KRT82: variants seen among roughly 807,000 people sequenced by gnomAD.
KRT82 encodes the protein keratin, type II cuticular Hb2.
Under a neutral mutation model 48.0 loss-of-function variants are expected in KRT82, and 44 were observed. That is an observed-to-expected ratio of 0.92 (90% CI 0.72 to 1.18). The LOEUF (loss-of-function observed/expected upper bound fraction) is 1.18. Among genes scored for constraint, KRT82 ranks in the 50% most tolerant of loss-of-function variants. KRT82 has a pLI of 0.00. For missense variants in KRT82, 701 were observed against 671.4 expected, an observed-to-expected ratio of 1.04 and a Z score of -0.49; for synonymous variants, 297 against 278.3, an observed-to-expected ratio of 1.07 and a Z score of -0.67.
chr12:52,395,317 T>G, intron 8 of KRT82, 122 bp from the exon 9 acceptor site: 1 of 775,058 alleles, frequency 1.3e-6, no homozygotes, highest in Non-Finnish European at 2.1e-6. Flanking sequence ...AGACACCCCA[T>G]TCCAGCCTCC....
intron 5 of KRT82, 85 bp from the exon 6 acceptor site, chr12:52,397,093 C>T (rs1303176464): frequency 1.1e-5 from 17 of 1,513,308 alleles, no homozygotes; most frequent in Non-Finnish European, 1.5e-5. Flanking sequence ...GTCTTTTCTC[C>T]CGTGACTTCC....
rs1939848553 is a variant in KRT82, at chr12:52,406,010, C to T, written c.268G>A (p.Ala90Thr). Reference protein sequence around the residue: ...YRLGATCGPSACITPVTINES... With the variant: ...YRLGATCGPSTCITPVTINES... ...TTGATGGTGACAGGGGTGATGCAGGCAGAAGGCCCACAGGTGGCTCCCAGT... is the reference window on the plus strand; with the variant it reads ...TTGATGGTGACAGGGGTGATGCAGGTAGAAGGCCCACAGGTGGCTCCCAGT... Residue 90 changes from alanine (A) to threonine (T), a missense_variant, in exon 1 of 9, where the codon GCC (alanine) becomes ACC (threonine). Transcript: ENST00000257974. The T allele has an allele frequency of 6.2e-7, 1 of 1,614,090 alleles. No individual in the cohort carries two copies. Among genetic ancestry groups the T allele is most frequent in the Non-Finnish European group, 8.5e-7 (1 of 1,180,044 alleles).
At chr12:52,395,228 A>C (rs375789030) in intron 8 of KRT82, 33 bp from the exon 9 acceptor site, 195 of 1,579,016 alleles carry the variant, frequency 1.2e-4, no homozygotes, top group Admixed American at 3.4e-5. Flanking sequence ...TCAGGGCCCC[A>C]CACGGTGTGG....
At position 52,403,906 on chromosome 12, in the gene KRT82, G is replaced by T; in HGVS notation, c.415C>A (p.Arg139Ser). Residue 139 changes from arginine to serine, a missense_variant, in exon 2 of 9, where the codon CGT becomes AGT. Coordinates refer to ENST00000257974, the MANE Select transcript of KRT82 (RefSeq NM_033033.4). ...AGCTTGTTCTTCTGCTCCAGGAAAC[G>T]GACCTGCAGCCAAGAATGGAATATC... ...NRFASFINKV[R>S]FLEQKNKLLE... 1 of 1,613,260 alleles carries T rather than the reference G, an allele frequency of 6.2e-7. No homozygotes were observed. The highest frequency in any genetic ancestry group is 1.1e-5 in the South Asian group (1 of 91,036).
chr12:52,399,898 A>C, intron 5 of KRT82, 87 bp downstream of exon 5: 1 of 1,372,700 alleles, frequency 7.3e-7, no homozygotes, highest in Non-Finnish European at 1.0e-6. Flanking sequence ...CTCCTCACCC[A>C]CTTCTGCGGA....
chr12:52,401,183 T>G (rs1939785311), intron 3 of KRT82, 106 bp downstream of exon 3: 1 of 927,226 alleles, frequency 1.1e-6, no homozygotes, highest in Non-Finnish European at 1.7e-6. Flanking sequence ...AAACCCTTTT[T>G]CAGAGTGGGT....
chr12:52,406,036 C>T lies in KRT82; in HGVS notation c.242G>A (p.Arg81Gln), dbSNP rs369035884. Reference sequence around the variant, plus strand: ...AGAAGGCCCACAGGTGGCTCCCAGTCGGTACCCGAAGCCAGGCAGGGTACC... The same window carrying T: ...AGAAGGCCCACAGGTGGCTCCCAGTTGGTACCCGAAGCCAGGCAGGGTACC... ...CGGTLPGFGY[R>Q]LGATCGPSAC... The change falls in exon 1 of 9, where the codon CGA becomes CAA. Residue 81 changes from arginine to glutamine, a missense_variant. Transcript: ENST00000257974. The T allele has an allele frequency of 3.7e-5, 59 of 1,614,078 alleles. No homozygotes were observed. In the African/African-American group the frequency reaches 4.4e-4, roughly 12 times the overall value.
intron 8 of KRT82, 109 bp downstream of exon 8, chr12:52,395,650 G>T: frequency 1.3e-6 from 1 of 761,396 alleles, no homozygotes; most frequent in South Asian, 1.8e-5. Context: ...CTCTTCCTTT[G>T]GGGTAGGGGA....
Position 52,401,390 on chromosome 12 carries a change from T to C in KRT82, c.621-41A>G, listed in dbSNP as rs546997905. The C allele has an allele frequency of 1.4e-5, 22 of 1,601,872 alleles. No individual in the cohort carries two copies. In the African/African-American group the frequency reaches 2.5e-4, roughly 19 times the overall value. ...GGAAAAAATGCTTTAGTCGGGCTTG[T>C]GGATTTTGGAAGAGATCTTGGCATC... On this transcript the variant is annotated intron_variant, in intron 2 of 8. Coordinates refer to ENST00000257974, the MANE Select transcript of KRT82 (RefSeq NM_033033.4).
In KRT82 at chr12:52,396,911, T is replaced by C. The variant is rs1372640580; in HGVS notation, c.1040A>G (p.Gln347Arg). The change falls in exon 6 of 9, where the codon CAG (glutamine) becomes CGG (arginine). Residue 347 changes from glutamine to arginine, a missense_variant. Physicochemically the swap from Gln to Arg is conservative, Grantham distance 43. Coordinates refer to ENST00000257974, the MANE Select transcript of KRT82 (RefSeq NM_033033.4). ...LEMNKLIQRL[Q>R]QETENVKAQR... ...GGCTTTGACATTCTCGGTTTCTTGC[T>C]GCAGCCGCTGGATCAGTTTATTCAT... 1.9e-6 allele frequency: 3 copies of C among 1,614,184 alleles called. No individual in the cohort carries two copies. The highest frequency in any genetic ancestry group is 2.5e-6 in the Non-Finnish European group (3 of 1,180,028).
At chr12:52,404,738 T>C (rs1341428238) in intron 1 of KRT82, among the ~76,000 whole-genome samples, 1 of 152,194 alleles carries the variant, frequency 6.6e-6, no homozygotes, top group Non-Finnish European at 1.5e-5. Context: ...TTCGGGCCCA[T>C]GTTTTTGGAA....
At chr12:52,398,805 A>G (rs912365365) in intron 5 of KRT82, among the ~76,000 whole-genome samples, 5 of 152,092 alleles carry the variant, frequency 3.3e-5, no homozygotes, top group Admixed American at 2.6e-4. Context: ...CTGCCTTCAG[A>G]ACAAAGCCAA....
Position 52,406,056 on chromosome 12 carries a change from G to T in KRT82, c.222C>A (p.Thr74=), listed in dbSNP as rs2121487937. ...RPRVASRCGG[T]LPGFGYRLGA... ...CCAGTCGGTACCCGAAGCCAGGCAGGGTACCTCCACACCTGGAGGCTACCC... is the reference window on the plus strand; with the variant it reads ...CCAGTCGGTACCCGAAGCCAGGCAGTGTACCTCCACACCTGGAGGCTACCC... Residue 74 remains threonine (T), a synonymous_variant, in exon 1 of 9, where the codon ACC becomes ACA. Transcript: ENST00000257974. 1 of 1,614,080 alleles carries T rather than the reference G, an allele frequency of 6.2e-7. No homozygotes were observed. The highest frequency in any genetic ancestry group is 8.5e-7 in the Non-Finnish European group (1 of 1,180,004).
Position 52,406,066 on chromosome 12 carries a change from C to A in KRT82, c.212G>T (p.Cys71Phe). 1 of 1,613,956 alleles carries A rather than the reference C, an allele frequency of 6.2e-7. No individual in the cohort carries two copies. Among genetic ancestry groups the A allele is most frequent in the Non-Finnish European group, 8.5e-7 (1 of 1,179,958 alleles). The change falls in exon 1 of 9, where the codon TGT becomes TTT. Residue 71 changes from cysteine (C) to phenylalanine (F), a missense_variant. By Grantham distance (205) the Cys-to-Phe change is radical. Transcript: ENST00000257974. The stretch of plus-strand genomic sequence containing the variant: ...CCCGAAGCCAGGCAGGGTACCTCCA[C>A]ACCTGGAGGCTACCCGGGGCCTCCC... ...GFGRPRVASR[C>F]GGTLPGFGYR...
intron 8 of KRT82, 78 bp from the exon 9 acceptor site, chr12:52,395,273 G>C: frequency 8.2e-7 from 1 of 1,220,958 alleles, no homozygotes; most frequent in Non-Finnish European, 1.2e-6. Context: ...ACTCAGCCAG[G>C]CCATTCCTCC....
rs775738597 is a variant in KRT82 at position 52,396,149 on chromosome 12, C to T, written c.1152G>A (p.Gly384=). 1.9e-6 allele frequency: 3 copies of T among 1,614,212 alleles called. No individual in the cohort carries two copies. The South Asian group carries it at 3.3e-5, about 18-fold the overall frequency. The change falls in exon 7 of 9, where the codon GGG becomes GGA. Residue 384 remains glycine (G), a synonymous_variant. Coordinates refer to ENST00000257974, the MANE Select transcript of KRT82 (RefSeq NM_033033.4). ...TGGCCTTCTGCAGAGCCTCCTCCAG[C>T]CCTGCCAGCTTGCACTTGGCATCAT... ...ALNDAKCKLA[G]LEEALQKAKQ...
chr12:52,401,203 A>C lies in KRT82; in HGVS notation c.681+86T>G, dbSNP rs923336982. 13 of 1,102,076 alleles carry C rather than the reference A, an allele frequency of 1.2e-5. No homozygotes were observed. In the Admixed American group the frequency reaches 1.5e-4, roughly 12 times the overall value. The allele number at this position is 1,102,076 out of a possible 1,614,324, so 68.3% of individuals were successfully genotyped here. On this transcript the variant is annotated intron_variant, in intron 3 of 8. Coordinates refer to ENST00000257974, the MANE Select transcript of KRT82 (RefSeq NM_033033.4). ...CTTTTTCAGAGTGGGTGGGCTGCAGACACGTTTGGACTGAGTTCAGGGCTA... is the reference window on the plus strand; with the variant it reads ...CTTTTTCAGAGTGGGTGGGCTGCAGCCACGTTTGGACTGAGTTCAGGGCTA...
chr12:52,406,246 C>T lies in KRT82; in HGVS notation c.32G>A (p.Arg11Lys). 3 of 1,604,582 alleles carry T rather than the reference C, an allele frequency of 1.9e-6. No homozygotes were observed. Among genetic ancestry groups the T allele is most frequent in the South Asian group, 1.1e-5 (1 of 90,348 alleles). ...TGAGCTGAAACTCTGACTGCCACAC[C>T]TGGAGCCTGGCTGGAAAGAGTGGTA... is the stretch of plus-strand genomic sequence containing the variant. MSYHSFQPGS[R>K]CGSQSFSSYS... Residue 11 changes from arginine to lysine, a missense_variant, in exon 1 of 9, where the codon AGG becomes AAG. Transcript: ENST00000257974.
At chr12:52,396,793 A>G (rs575905501) in intron 6 of KRT82, 90 bp downstream of exon 6, 1 of 1,454,610 alleles carries the variant, frequency 6.9e-7, no homozygotes, top group East Asian at 2.3e-5. Flanking sequence ...AATGGCACTC[A>G]CAGCAAGGAT....
Sources: gnomAD v4.1 joint callset for allele counts (sites outside exome capture counted in the v4.1 genomes callset) on GRCh38, gnomAD v4.1.1 for gene constraint, MANE v1.5 for transcripts, NCBI Gene and HGNC (gene_info 2026-07-23, HGNC 2026-07-21) for gene names.